GRM1: variants seen among roughly 807,000 people sequenced by gnomAD.
GRM1 encodes glutamate metabotropic receptor 1.
Under a neutral mutation model 90.9 loss-of-function variants are expected in GRM1, and 33 were observed. The ratio of observed to expected loss-of-function variants is 0.36; its 90% confidence interval spans 0.28 to 0.49. The LOEUF (loss-of-function observed/expected upper bound fraction) is 0.49, where lower values mean the gene tolerates loss of function less well. Among genes scored for constraint, GRM1 ranks in the 20% least tolerant of loss-of-function variants. The pLI is 0.99. For missense variants in GRM1, 1,190 were observed against 1,534.3 expected (o/e 0.78, Z 3.75); for synonymous variants, 700 against 613.2 (o/e 1.14, Z -2.09).
At chr6:146,239,870 A>C (rs1780789498) in intron 2 of GRM1, among the ~76,000 whole-genome samples, 1 of 152,036 alleles carries the variant, frequency 6.6e-6, no homozygotes, top group African/African-American at 2.4e-5. Context: ...ATTATCACTG[A>C]TGTAGTCCAA....
At chr6:146,303,658 A>G (rs1016076661) in intron 2 of GRM1, among the ~76,000 whole-genome samples, 2 of 152,142 alleles carry the variant, frequency 1.3e-5, no homozygotes, top group African/African-American at 2.4e-5. Flanking sequence ...ACAGATGCCT[A>G]ATCACATGGG....
chr6:146,286,174 A>G (rs1419851883), intron 2 of GRM1, among the ~76,000 whole-genome samples: 2 of 152,132 alleles, frequency 1.3e-5, no homozygotes. Flanking sequence ...TAAACACTAA[A>G]AATTTATAAA....
chr6:146,180,131 C>CA (rs1180880900), intron 2 of GRM1, among the ~76,000 whole-genome samples: 1 of 151,412 alleles, frequency 6.6e-6, no homozygotes, highest in African/African-American at 2.4e-5. Flanking sequence ...CCCAACTCAC[C>CA]AAAAAACAAA....
At chr6:146,318,022 T>A (rs993541555) in intron 3 of GRM1, among the ~76,000 whole-genome samples, 5 of 152,226 alleles carry the variant, frequency 3.3e-5, no homozygotes, top group African/African-American at 1.2e-4. Flanking sequence ...AACTTATACT[T>A]TAAGTTTTGG....
chr6:146,055,508 G>A (rs372262621), intron 1 of GRM1, among the ~76,000 whole-genome samples: 73 of 151,908 alleles, frequency 4.8e-4, no homozygotes, highest in African/African-American at 1.2e-3. Context: ...CTAACATGTC[G>A]TGTTAACTTT....
chr6:146,062,344 G>C (rs761009799), intron 1 of GRM1, among the ~76,000 whole-genome samples: 9 of 128,766 alleles, frequency 7.0e-5, no homozygotes, highest in Non-Finnish European at 1.1e-4. Context: ...GGCCTGTTGG[G>C]GGGTAGGGGG....
At chr6:146,387,470 T>C (rs2114531687) in intron 6 of GRM1, among the ~76,000 whole-genome samples, 1 of 152,092 alleles carries the variant, frequency 6.6e-6, no homozygotes, top group Admixed American at 6.6e-5. Flanking sequence ...ATTATTAAAA[T>C]AATCATCCCG....
chr6:146,369,367 TTTGGTTTGCTC>T, intron 5 of GRM1, among the ~76,000 whole-genome samples: 1 of 151,852 alleles, frequency 6.6e-6, no homozygotes, highest in Non-Finnish European at 1.5e-5. Flanking sequence ...TAATTGGGGG[TTTGGTTTGCTC>T]TTGCTTTTCT....
chr6:146,040,453 TG>T (rs977603135), intron 1 of GRM1, among the ~76,000 whole-genome samples: 2 of 152,156 alleles, frequency 1.3e-5, no homozygotes, highest in East Asian at 1.9e-4. Flanking sequence ...AAGAAAGGTC[TG>T]GGGGTGATGA....
rs551944157 is a variant in GRM1 at position 146,112,568 on chromosome 6, G to A, written c.701-46780G>A. Among the ~76,000 whole-genome samples, 24 of 152,226 alleles carry A rather than the reference G, an allele frequency of 1.6e-4. No individual in the cohort carries two copies. In the South Asian group the frequency reaches 4.4e-3, roughly 28 times the overall value. ...TCAAGATAGAGACCCCTCTATCTGG[G>A]CTCCCTTGGTAAAGGTTTCTTCCTG... On this transcript the variant is annotated intron_variant, in intron 1 of 7. Transcript: ENST00000282753.
rs1314256551 is a variant in GRM1, at chr6:146,406,334, TG to T, written c.2660+6638del. 5.3e-5 allele frequency among the ~76,000 whole-genome samples: 8 copies of T among 152,302 alleles called. No individual in the cohort carries two copies. In the East Asian group the frequency reaches 1.5e-3, roughly 29 times the overall value. ...ATTAACATAGTATGAAAAATCAGGC[TG>T]GGAACTTATCATCATTTTTATTAAA... On this transcript the variant is annotated intron_variant, in intron 7 of 7. Transcript: ENST00000282753.
At chr6:146,177,776 C>T in intron 2 of GRM1, among the ~76,000 whole-genome samples, 1 of 152,206 alleles carries the variant, frequency 6.6e-6, no homozygotes, top group South Asian at 2.1e-4. Context: ...AAGAAAAATG[C>T]CTGTGAAAGA....
chr6:146,165,090 A>C (rs2128892845), intron 2 of GRM1, among the ~76,000 whole-genome samples: 1 of 152,248 alleles, frequency 6.6e-6, no homozygotes, highest in South Asian at 2.1e-4. Flanking sequence ...CTTTAGCTAA[A>C]ACTTGATCCA....
chr6:146,199,960 G>A (rs1013150222), intron 2 of GRM1, among the ~76,000 whole-genome samples: 1 of 152,066 alleles, frequency 6.6e-6, no homozygotes, highest in African/African-American at 2.4e-5. Flanking sequence ...AAGATTCGGC[G>A]AGCCAAAATC....
At chr6:146,223,300 G>A (rs1780133358) in intron 2 of GRM1, among the ~76,000 whole-genome samples, 1 of 152,026 alleles carries the variant, frequency 6.6e-6, no homozygotes, top group Admixed American at 6.6e-5. Context: ...TAATCCACAA[G>A]AAAAACTTTC....
intron 2 of GRM1, among the ~76,000 whole-genome samples, chr6:146,178,839 G>T (rs1436538261): frequency 6.6e-6 from 1 of 152,124 alleles, no homozygotes; most frequent in Non-Finnish European, 1.5e-5. Flanking sequence ...CTTGTGTACT[G>T]TTCATTATGT....
chr6:146,120,789 C>T (rs578260278), intron 1 of GRM1, among the ~76,000 whole-genome samples: 8 of 152,200 alleles, frequency 5.3e-5, no homozygotes, highest in Non-Finnish European at 1.2e-4. Flanking sequence ...GGATGAAGCC[C>T]ACTTGATCAT....
intron 4 of GRM1, among the ~76,000 whole-genome samples, chr6:146,356,583 A>T (rs1481915383): frequency 6.6e-6 from 1 of 152,194 alleles, no homozygotes; most frequent in Non-Finnish European, 1.5e-5. Flanking sequence ...AAGCATTTCG[A>T]CCATAGGACA....
At chr6:146,130,691 A>G (rs1177275843) in intron 1 of GRM1, among the ~76,000 whole-genome samples, 1 of 152,154 alleles carries the variant, frequency 6.6e-6, no homozygotes, top group Non-Finnish European at 1.5e-5. Flanking sequence ...TTCACCAAGA[A>G]GAGTCTGAGA....
Sources: gnomAD v4.1 joint callset for allele counts (sites outside exome capture counted in the v4.1 genomes callset) on GRCh38, gnomAD v4.1.1 for gene constraint, MANE v1.5 for transcripts, NCBI Gene and HGNC (gene_info 2026-07-23, HGNC 2026-07-21) for gene names.